SREK1: variants seen among roughly 807,000 people sequenced by gnomAD.
SREK1 encodes splicing regulatory glutamine/lysine-rich protein 1.
SREK1 carries 13 observed loss-of-function variants against 66.5 expected under a neutral mutation model. That is an observed-to-expected ratio of 0.20 (90% confidence interval 0.13 to 0.31). The LOEUF is 0.31. Ranked by LOEUF, SREK1 falls within the 10% of genes least tolerant of loss-of-function variation. SREK1 has a pLI of 1.00. For synonymous variants in SREK1, 265 were observed against 263.5 expected, an observed-to-expected ratio of 1.01 and a Z score of -0.05; for missense variants, 607 against 769.6, an observed-to-expected ratio of 0.79 and a Z score of 2.50.
At chr5:66,162,662 C>A in intron 5 of SREK1, 70 bp downstream of exon 5, 1 of 1,388,914 alleles carries the variant, frequency 7.2e-7, no homozygotes, top group Non-Finnish European at 9.6e-7. Context: ...GTAATGAAGG[C>A]TTTTTTTTTC....
intron 1 of SREK1, among the ~76,000 whole-genome samples, chr5:66,146,070 C>T (rs888994480): frequency 1.3e-5 from 2 of 151,968 alleles, no homozygotes; most frequent in Non-Finnish European, 1.5e-5. Flanking sequence ...AGTGCACGCA[C>T]GTACATTTTG....
intron 1 of SREK1, among the ~76,000 whole-genome samples, chr5:66,150,872 ACT>A (rs1342907183): frequency 6.6e-6 from 1 of 151,808 alleles, no homozygotes; most frequent in Non-Finnish European, 1.5e-5. Context: ...ACACAGTCTC[ACT>A]CTCTTGCCCA....
chr5:66,157,166 A>G, intron 2 of SREK1: 1 of 952,484 alleles, frequency 1.0e-6, no homozygotes, highest in Non-Finnish European at 1.2e-6. Context: ...TAGTGGATTT[A>G]TACATTTATA....
intron 1 of SREK1, chr5:66,145,224 G>T: frequency 1.0e-6 from 1 of 955,366 alleles, no homozygotes; most frequent in Non-Finnish European, 1.2e-6. Flanking sequence ...TACATTTAAA[G>T]TCCAGATCTT....
intron 1 of SREK1, among the ~76,000 whole-genome samples, chr5:66,152,501 C>G (rs1037223004): frequency 6.6e-6 from 1 of 152,172 alleles, no homozygotes; most frequent in Non-Finnish European, 1.5e-5. Context: ...TAGATGTTAA[C>G]TTTGCGATTT....
At chr5:66,162,322 CTCT>C (rs1744841826) in intron 4 of SREK1, 49 bp downstream of exon 4, 2 of 1,605,558 alleles carry the variant, frequency 1.2e-6, no homozygotes, top group African/African-American at 1.3e-5. Flanking sequence ...TATTCTTTTT[CTCT>C]TCTTAAAAAT....
chr5:66,174,834 T>C, intron 9 of SREK1, 112 bp from the exon 10 acceptor site: 2 of 931,650 alleles, frequency 2.1e-6, no homozygotes, highest in Non-Finnish European at 3.2e-6. Flanking sequence ...TAAACTGGCC[T>C]CTAAAGAATA....
intron 1 of SREK1, among the ~76,000 whole-genome samples, chr5:66,153,243 A>G (rs1489176500): frequency 6.6e-6 from 1 of 151,828 alleles, no homozygotes; most frequent in African/African-American, 2.4e-5. Flanking sequence ...TTTTACAAGT[A>G]AGGCAGTAGG....
At chr5:66,148,044 T>A (rs867020094) in intron 1 of SREK1, among the ~76,000 whole-genome samples, 22 of 152,032 alleles carry the variant, frequency 1.4e-4, no homozygotes, top group Admixed American at 4.6e-4. Flanking sequence ...TATTACAAAT[T>A]AGTGGATTTT....
intron 1 of SREK1, among the ~76,000 whole-genome samples, chr5:66,147,454 A>C (rs761626846): frequency 6.6e-6 from 1 of 152,190 alleles, no homozygotes; most frequent in Non-Finnish European, 1.5e-5. Context: ...AAACATACCT[A>C]TATAACCAGC....
At position 66,170,037 on chromosome 5, in the gene SREK1, T is replaced by C. The variant is rs1327504975; in HGVS notation, c.1002-14T>C. 3.7e-5 allele frequency: 55 copies of C among 1,506,512 alleles called. No individual in the cohort carries two copies. The highest frequency in any genetic ancestry group is 4.9e-5 in the Non-Finnish European group (55 of 1,126,110). The allele number at this position is 1,506,512 out of a possible 1,614,324, so 93.3% of individuals were successfully genotyped here. On this transcript the variant is annotated splice_polypyrimidine_tract_variant and intron_variant, in intron 7 of 11. Coordinates refer to ENST00000334121, the MANE Select transcript of SREK1 (RefSeq NM_001077199.3). ...AAATTAAGTTTTGATATTCTAACAA[T>C]TTTTTTTCTTTAGGAGTAGATCCCA... is the stretch of plus-strand genomic sequence containing the variant.
Position 66,178,915 on chromosome 5 carries a change from G to A in SREK1, c.*47G>A. ...ACTCAATGCTGGAATCAAATCCAAA[G>A]CTTTTAATTCTCTCAACAAGATGTA... On this transcript the variant is annotated 3_prime_UTR_variant, in exon 12 of 12. Transcript: ENST00000334121. 1 of 1,504,110 alleles carries A rather than the reference G, an allele frequency of 6.6e-7. No homozygotes were observed. The highest frequency in any genetic ancestry group is 1.4e-5 in the African/African-American group (1 of 71,888). 93.2% of individuals were successfully genotyped at this position (1,504,110 alleles called of 1,614,324 possible).
rs958852641 is a variant in SREK1 at position 66,157,489 on chromosome 5, G to A, written c.296-1730G>A. 5.1e-6 allele frequency: 5 copies of A among 985,024 alleles called. No individual in the cohort carries two copies. In the African/African-American group the frequency reaches 7.0e-5, roughly 14 times the overall value. The allele number at this position is 985,024 out of a possible 1,614,324, so 61.0% of individuals were successfully genotyped here. A position where few individuals can be genotyped will look rare whatever the true frequency, so the allele number is the denominator to read the frequency against. On this transcript the variant is annotated intron_variant, in intron 2 of 11. Transcript: ENST00000334121. Reference sequence around the variant, plus strand: ...AACCTCAATTTATCAAGAATGTTCAGGTTTTACAAACCTTTTGAGATAATA... The same window carrying A: ...AACCTCAATTTATCAAGAATGTTCAAGTTTTACAAACCTTTTGAGATAATA...
chr5:66,177,857 A>T (rs1198162431), intron 11 of SREK1, among the ~76,000 whole-genome samples, 199 bp downstream of exon 11: 1 of 152,122 alleles, frequency 6.6e-6, no homozygotes, highest in Admixed American at 6.6e-5. Context: ...AAACTAAAAA[A>T]ACTAAGTTAA....
chr5:66,151,987 A>G (rs902889498), intron 1 of SREK1, among the ~76,000 whole-genome samples: 4 of 151,664 alleles, frequency 2.6e-5, no homozygotes, highest in African/African-American at 9.7e-5. Context: ...CTGGGACTAC[A>G]GGCGCCCGCC....
At chr5:66,153,825 T>C in intron 2 of SREK1, 2 of 474,114 alleles carry the variant, frequency 4.2e-6, no homozygotes, top group South Asian at 6.7e-5. Context: ...TCTGGTTTGC[T>C]TTGGCTTTCT....
At chr5:66,156,626 A>G in intron 2 of SREK1, 7 of 985,316 alleles carry the variant, frequency 7.1e-6, no homozygotes, top group Non-Finnish European at 8.4e-6. Context: ...GATAGCTTCT[A>G]ATTTTTGTCC....
Position 66,181,905 on chromosome 5 carries a change from G to GC in SREK1, c.*3037_*3038insC, listed in dbSNP as rs1232982516. ...TAATGAAAAGGTTTTTTTGTCGGGG[G>GC]GGGGGGGGTCAAGAGAATTTATTTT... On this transcript the variant is annotated 3_prime_UTR_variant, in exon 12 of 12. Transcript: ENST00000334121. The GC allele has an allele frequency of 7.3e-6, 1 of 136,548 alleles. No homozygotes were observed. Among genetic ancestry groups the GC allele is most frequent in the Non-Finnish European group, 1.6e-5 (1 of 62,616 alleles). The allele number at this position is 136,548 out of a possible 1,614,324, so 8.5% of individuals were successfully genotyped here.
intron 1 of SREK1, among the ~76,000 whole-genome samples, chr5:66,147,748 A>G (rs554424361): frequency 6.6e-6 from 1 of 152,350 alleles, no homozygotes; most frequent in East Asian, 1.9e-4. Flanking sequence ...CCACCACTCT[A>G]TCAAAGCTTC....
Sources: gnomAD v4.1 joint callset for allele counts (sites outside exome capture counted in the v4.1 genomes callset) on GRCh38, gnomAD v4.1.1 for gene constraint, MANE v1.5 for transcripts, NCBI Gene and HGNC (gene_info 2026-07-23, HGNC 2026-07-21) for gene names.